The following EXOC6B variants were observed in gnomAD, a reference collection of about 807,000 sequenced individuals.
EXOC6B encodes exocyst complex component 6B.
Under a neutral mutation model 113.5 loss-of-function variants are expected in EXOC6B, and 54 were observed. The ratio of observed to expected loss-of-function variants is 0.48; its 90% confidence interval spans 0.38 to 0.60. The LOEUF is 0.60. EXOC6B is among the 20% of genes least tolerant of loss of function. The probability of loss-of-function intolerance (pLI) is 0.00; values close to 1 mark genes in which losing one functional copy is unlikely to be tolerated. For missense variants in EXOC6B, 797 were observed against 977.5 expected (o/e 0.82, Z 2.46); for synonymous variants, 357 against 339.0 (o/e 1.05, Z -0.58).
At chr2:72,383,935 G>A (rs1691839643) in intron 18 of EXOC6B, among the ~76,000 whole-genome samples, 1 of 151,986 alleles carries the variant, frequency 6.6e-6, no homozygotes, top group Non-Finnish European at 1.5e-5. Context: ...CTTATAAGCA[G>A]GAGCTAAATA....
At chr2:72,495,214 TAAGA>T (rs745863075) in intron 15 of EXOC6B, among the ~76,000 whole-genome samples, 1 of 152,144 alleles carries the variant, frequency 6.6e-6, no homozygotes, top group East Asian at 1.9e-4. Context: ...CTATAAAGAA[TAAGA>T]TAGATAATAT....
chr2:72,569,037 C>G (rs1169699699), intron 7 of EXOC6B, among the ~76,000 whole-genome samples: 1 of 151,678 alleles, frequency 6.6e-6, no homozygotes, highest in African/African-American at 2.4e-5. Context: ...CCTAAAAGAT[C>G]AAAGACTGGG....
intron 6 of EXOC6B, among the ~76,000 whole-genome samples, chr2:72,650,950 G>C (rs969205485): frequency 6.6e-6 from 1 of 151,246 alleles, no homozygotes; most frequent in Admixed American, 6.6e-5. Flanking sequence ...TCACACCACT[G>C]CACTCCAGCT....
At chr2:72,349,931 T>G (rs1689553691) in intron 19 of EXOC6B, among the ~76,000 whole-genome samples, 1 of 152,154 alleles carries the variant, frequency 6.6e-6, no homozygotes, top group South Asian at 2.1e-4. Flanking sequence ...GTGGGGACTC[T>G]GCTGACTCTG....
chr2:72,458,933 A>G (rs1350050128), intron 18 of EXOC6B, among the ~76,000 whole-genome samples: 2 of 152,146 alleles, frequency 1.3e-5, no homozygotes, highest in Non-Finnish European at 2.9e-5. Context: ...ACAATTCTTG[A>G]GGTGGAAAAC....
intron 20 of EXOC6B, among the ~76,000 whole-genome samples, chr2:72,228,901 A>G (rs1038210139): frequency 1.3e-5 from 2 of 152,120 alleles, no homozygotes. Flanking sequence ...AAGTGTTCCT[A>G]TTTCTCCACA....
chr2:72,309,016 C>T (rs147102293), intron 20 of EXOC6B, among the ~76,000 whole-genome samples: 1 of 152,028 alleles, frequency 6.6e-6, no homozygotes, highest in Non-Finnish European at 1.5e-5. Flanking sequence ...AGAAATGAGA[C>T]TGATTTAAAA....
intron 18 of EXOC6B, among the ~76,000 whole-genome samples, chr2:72,440,486 G>A (rs544601899): frequency 6.6e-6 from 1 of 152,276 alleles, no homozygotes; most frequent in African/African-American, 2.4e-5. Context: ...AATGCTGAGG[G>A]AATTCATTAT....
chr2:72,357,328 T>C (rs6746583), intron 19 of EXOC6B, among the ~76,000 whole-genome samples: 32,197 of 151,872 alleles, frequency 0.21, 6,492 homozygotes, highest in African/African-American at 0.54. Flanking sequence ...ATAGTATATA[T>C]AGTTATGTGT....
At chr2:72,657,129 G>C (rs1425291663) in intron 6 of EXOC6B, among the ~76,000 whole-genome samples, 1 of 152,108 alleles carries the variant, frequency 6.6e-6, no homozygotes, top group South Asian at 2.1e-4. Context: ...GGGATTACAG[G>C]TGTGAGCCAC....
intron 18 of EXOC6B, among the ~76,000 whole-genome samples, chr2:72,410,372 G>GT: frequency 6.6e-6 from 1 of 150,970 alleles, no homozygotes; most frequent in Non-Finnish European, 1.5e-5. Context: ...TGTGTGGTCT[G>GT]TTTCATCTGA....
rs1697980228 is a variant in EXOC6B, at chr2:72,465,327, C to A, written c.1813G>T (p.Ala605Ser). The A allele has an allele frequency of 1.9e-6, 3 of 1,583,740 alleles. No homozygotes were observed. The highest frequency in any genetic ancestry group is 2.6e-6 in the Non-Finnish European group (3 of 1,166,852). The part of the protein sequence containing the change: ...GTTTFKDARH[A>S]AEEEIYTNLN... ...TTGGTATAAATCTCTTCTTCAGCTG[C>A]ATGTCTAGCATCCTGTGAAAAAATA... Residue 605 changes from alanine (A) to serine (S), a missense_variant, in exon 18 of 22, where the codon GCA becomes TCA. By Grantham distance (99) the Ala-to-Ser change is moderately conservative (BLOSUM62 1). Coordinates refer to ENST00000272427, the MANE Select transcript of EXOC6B (RefSeq NM_015189.3).
intron 1 of EXOC6B, among the ~76,000 whole-genome samples, chr2:72,765,063 A>C (rs1029042541): frequency 6.7e-6 from 1 of 149,510 alleles, no homozygotes; most frequent in South Asian, 2.2e-4. Context: ...TACCAGCCTG[A>C]GCAACATGGT....
intron 6 of EXOC6B, among the ~76,000 whole-genome samples, chr2:72,646,650 G>T (rs1339063991): frequency 5.9e-5 from 9 of 151,924 alleles, no homozygotes; most frequent in Non-Finnish European, 8.8e-5. Context: ...TTCAACATAC[G>T]CAAATCAATA....
At chr2:72,333,752 C>G (rs1688534884) in intron 20 of EXOC6B, among the ~76,000 whole-genome samples, 1 of 152,060 alleles carries the variant, frequency 6.6e-6, no homozygotes, top group African/African-American at 2.4e-5. Context: ...CCTGAATCCT[C>G]AAACTTTGGC....
chr2:72,457,353 G>A (rs549768110), intron 18 of EXOC6B, among the ~76,000 whole-genome samples: 1 of 152,160 alleles, frequency 6.6e-6, no homozygotes, highest in East Asian at 1.9e-4. Flanking sequence ...TTTTATGTAG[G>A]AAATAATTTT....
intron 1 of EXOC6B, among the ~76,000 whole-genome samples, chr2:72,817,533 C>G (rs965398068): frequency 7.2e-5 from 11 of 152,188 alleles, no homozygotes; most frequent in African/African-American, 2.7e-4. Flanking sequence ...TGCCAGGCAC[C>G]CTTTGGGTTC....
chr2:72,350,088 C>A (rs1689565158), intron 19 of EXOC6B, among the ~76,000 whole-genome samples: 1 of 152,106 alleles, frequency 6.6e-6, no homozygotes, highest in Non-Finnish European at 1.5e-5. Context: ...TATGTCCCAG[C>A]AGAAGTAATT....
At position 72,575,509 on chromosome 2, in the gene EXOC6B, C is replaced by T. The variant is rs1381997697; in HGVS notation, c.829G>A (p.Glu277Lys). 6 of 1,605,850 alleles carry T rather than the reference C, an allele frequency of 3.7e-6. No individual in the cohort carries two copies. The highest frequency in any genetic ancestry group is 2.2e-5 in the South Asian group (2 of 89,080). Reference protein sequence around the residue: ...QDSGILDVEDEEDDEEVPGAQ... With the variant: ...QDSGILDVEDKEDDEEVPGAQ... Reference sequence around the variant, plus strand: ...TTACTTACCTCTTCATCATCTTCCTCGTCTTCAACATCCAGAATTCCTGAA... The same window carrying T: ...TTACTTACCTCTTCATCATCTTCCTTGTCTTCAACATCCAGAATTCCTGAA... The change falls in exon 7 of 22, where the codon GAG (glutamate) becomes AAG (lysine). Residue 277 changes from glutamate (E) to lysine (K), a missense_variant. Glu to Lys is a moderately conservative substitution (Grantham distance 56). Transcript: ENST00000272427.
Sources: gnomAD v4.1 joint callset for allele counts (sites outside exome capture counted in the v4.1 genomes callset) on GRCh38, gnomAD v4.1.1 for gene constraint, MANE v1.5 for transcripts, NCBI Gene and HGNC (gene_info 2026-07-23, HGNC 2026-07-21) for gene names.